PRAG1: variants seen among roughly 807,000 people sequenced by gnomAD.
PRAG1 encodes PEAK1 related, kinase-activating pseudokinase 1.
In PRAG1, 110 loss-of-function variants were observed where a neutral mutation model predicts 95.6. The ratio of observed to expected loss-of-function variants is 1.15; its 90% CI spans 0.99 to 1.35. The LOEUF is 1.35. Among genes scored for constraint, PRAG1 ranks in the 40% most tolerant of loss-of-function variants. PRAG1 has a pLI of 0.00. For missense variants in PRAG1, 2,554 were observed against 1,864.7 expected (o/e 1.37, Z -6.81); for synonymous variants, 1,052 against 819.4 (o/e 1.28, Z -4.85).
chr8:8,344,037 C>A (rs543328729), intron 3 of PRAG1, among the ~76,000 whole-genome samples: 5 of 151,988 alleles, frequency 3.3e-5, no homozygotes, highest in African/African-American at 1.2e-4. Context: ...ATGATATATT[C>A]CATATGTTTT....
chr8:8,352,179 AGCTACTTCCCCATTCTTCACGCTGGG>A (rs1799543301), intron 3 of PRAG1, among the ~76,000 whole-genome samples: 2 of 152,188 alleles, frequency 1.3e-5, no homozygotes, highest in African/African-American at 4.8e-5. Flanking sequence ...TCTTAGGATG[AGCTACTTCCCCATTCTTCACGCTGGG>A]GCAGCCTTTT....
At chr8:8,350,925 TG>T (rs1799499918) in intron 3 of PRAG1, among the ~76,000 whole-genome samples, 1 of 151,796 alleles carries the variant, frequency 6.6e-6, no homozygotes, top group Non-Finnish European at 1.5e-5. Context: ...GATGGATGGA[TG>T]GATGGATGGA....
In PRAG1 at chr8:8,327,716, A is replaced by C; in HGVS notation, c.3066T>G (p.Ala1022=). 1 of 1,610,310 alleles carries C rather than the reference A, an allele frequency of 6.2e-7. No homozygotes were observed. The highest frequency in any genetic ancestry group is 8.5e-7 in the Non-Finnish European group (1 of 1,177,408). The change falls in exon 5 of 6, where the codon GCT becomes GCG. Residue 1022 remains alanine, a synonymous_variant. Coordinates refer to ENST00000615670, the MANE Select transcript of PRAG1 (RefSeq NM_001080826.3). Reference sequence around the variant, plus strand: ...AGGAGGGAGTGGTACCTACTTTCACAGCATAGGTGCTGCCGGGGTCCTCAG... The same window carrying C: ...AGGAGGGAGTGGTACCTACTTTCACCGCATAGGTGCTGCCGGGGTCCTCAG... The part of the protein sequence containing the change: ...TCSEDPGSTY[A]VKICKAPEPK...
At chr8:8,343,752 C>T (rs186421576) in intron 3 of PRAG1, among the ~76,000 whole-genome samples, 81 of 152,252 alleles carry the variant, frequency 5.3e-4, no homozygotes, top group Admixed American at 2.3e-3. Flanking sequence ...TGGAAAGCCA[C>T]CATAGAAATT....
At chr8:8,348,256 C>T (rs898977862) in intron 3 of PRAG1, among the ~76,000 whole-genome samples, 10 of 152,190 alleles carry the variant, frequency 6.6e-5, no homozygotes, top group Admixed American at 4.6e-4. Context: ...TTGGTAAAAG[C>T]ACCCTGACTC....
Position 8,339,515 on chromosome 8 carries a change from G to A in PRAG1, c.2283C>T (p.Asp761=), listed in dbSNP as rs755337303. The change falls in exon 4 of 6, where the codon GAC becomes GAT. Residue 761 remains aspartate, a synonymous_variant. Transcript: ENST00000615670. ...VHVSFTTGST[D]SLASDSRTCS... ...AGGTCCTAGAGTCTGAGGCCAGGCTGTCCGTGGAGCCGGTGGTGAAGCTGA... is the reference window on the plus strand; with the variant it reads ...AGGTCCTAGAGTCTGAGGCCAGGCTATCCGTGGAGCCGGTGGTGAAGCTGA... The A allele has an allele frequency of 8.1e-6, 13 of 1,614,068 alleles. No individual in the cohort carries two copies. The highest frequency in any genetic ancestry group is 1.1e-5 in the Non-Finnish European group (13 of 1,180,054).
At chr8:8,339,759 A>T in intron 3 of PRAG1, 124 bp from the exon 4 acceptor site, 1 of 401,154 alleles carries the variant, frequency 2.5e-6, no homozygotes, top group Non-Finnish European at 3.7e-6. Context: ...TTATTAAAAG[A>T]AAAAAAAAAG....
At chr8:8,328,821 A>T (rs2976910) in intron 4 of PRAG1, among the ~76,000 whole-genome samples, 48,792 of 152,118 alleles carry the variant, frequency 0.32, 10,023 homozygotes, top group African/African-American at 0.59. Flanking sequence ...AAAAGAGCAA[A>T]CGGTGGCTAC....
At chr8:8,351,184 G>A (rs929475151) in intron 3 of PRAG1, among the ~76,000 whole-genome samples, 1 of 152,132 alleles carries the variant, frequency 6.6e-6, no homozygotes, top group Non-Finnish European at 1.5e-5. Flanking sequence ...TTAAAAACAT[G>A]GCAGAAGGCA....
At chr8:8,352,419 C>T (rs1174239242) in intron 3 of PRAG1, among the ~76,000 whole-genome samples, 1 of 152,212 alleles carries the variant, frequency 6.6e-6, no homozygotes, top group African/African-American at 2.4e-5. Context: ...CACAACTATG[C>T]AGGTTGGGGC....
rs367712636 is a variant in PRAG1 at position 8,376,555 on chromosome 8, C to T, written c.1854G>A (p.Ser618=). Reference sequence around the variant, plus strand: ...TGGGCCGCCTCTGTTCCGAGGCTGACGAGGCGGCAGGCTGGGGACACCTGG... The same window carrying T: ...TGGGCCGCCTCTGTTCCGAGGCTGATGAGGCGGCAGGCTGGGGACACCTGG... ...DPSRCPQPAA[S]SASEQRRPRF... The change falls in exon 3 of 6, where the codon TCG becomes TCA. Residue 618 remains serine (S), a synonymous_variant. Transcript: ENST00000615670. The T allele has an allele frequency of 1.1e-4, 170 of 1,608,686 alleles. No individual in the cohort carries two copies. The highest frequency in any genetic ancestry group is 1.0e-3 in the African/African-American group (77 of 74,932).
In PRAG1 at chr8:8,345,046, G is replaced by GGTGTGTGTGTGTGTGTGT. The variant is rs57329300; in HGVS notation, c.2163-5429_2163-5412dup. ...TGATTACAGGATAAATTATCCGCAGGGTGTGTGTGTGTGTGTGTGTGTGTG... is the reference window on the plus strand; with the variant it reads ...TGATTACAGGATAAATTATCCGCAGGGTGTGTGTGTGTGTGTGTGTGTGTGTGTGTGTGTGTGTGTGTG... On this transcript the variant is annotated intron_variant, in intron 3 of 5. Transcript: ENST00000615670. 1.8e-3 allele frequency among the ~76,000 whole-genome samples: 237 copies of GGTGTGTGTGTGTGTGTGT among 134,042 alleles called. 1 individual carries two copies. The highest frequency in any genetic ancestry group is 3.0e-3 in the South Asian group (12 of 3,962). The allele number at this position is 134,042 out of a possible 152,430, so 87.9% of individuals were successfully genotyped here.
chr8:8,356,578 G>A (rs1476911718), intron 3 of PRAG1, among the ~76,000 whole-genome samples: 2 of 151,968 alleles, frequency 1.3e-5, no homozygotes, highest in Admixed American at 6.6e-5. Flanking sequence ...GAACTCCTGG[G>A]TTCAATAAAT....
chr8:8,379,878 C>G (rs1800573513), intron 2 of PRAG1, among the ~76,000 whole-genome samples: 1 of 152,100 alleles, frequency 6.6e-6, no homozygotes, highest in Admixed American at 6.5e-5. Flanking sequence ...TGGTAAAATC[C>G]AAGCTTCAAA....
Position 8,328,467 on chromosome 8 carries a change from G to C in PRAG1, c.2321-6C>G, listed in dbSNP as rs1798719870. 6.2e-7 allele frequency: 1 copy of C among 1,613,082 alleles called. No individual in the cohort carries two copies. The highest frequency in any genetic ancestry group is 1.3e-5 in the African/African-American group (1 of 75,054). On this transcript the variant is annotated splice_polypyrimidine_tract_variant and splice_region_variant and intron_variant, in intron 4 of 5. Coordinates refer to ENST00000615670, the MANE Select transcript of PRAG1 (RefSeq NM_001080826.3). ...AGCCAGCTCAGACGAGGGACCTGAAGAGGAGAGACAGAAACCATAAGACCA... is the reference window on the plus strand; with the variant it reads ...AGCCAGCTCAGACGAGGGACCTGAACAGGAGAGACAGAAACCATAAGACCA...
intron 3 of PRAG1, among the ~76,000 whole-genome samples, chr8:8,365,003 T>C (rs913929871): frequency 4.6e-5 from 7 of 152,160 alleles, no homozygotes; most frequent in African/African-American, 1.7e-4. Flanking sequence ...ATAGAGAAGA[T>C]ATTTTGAAAG....
intron 3 of PRAG1, among the ~76,000 whole-genome samples, chr8:8,369,135 T>C (rs919155039): frequency 3.3e-5 from 5 of 151,730 alleles, no homozygotes; most frequent in African/African-American, 9.7e-5. Context: ...TCATGATGGG[T>C]CCCCAGTGAA....
At chr8:8,345,061 G>GTGTT (rs1563238249) in intron 3 of PRAG1, among the ~76,000 whole-genome samples, 3 of 149,158 alleles carry the variant, frequency 2.0e-5, no homozygotes, top group African/African-American at 7.4e-5. Context: ...GTGTGTGTGT[G>GTGTT]TGTGTGTGTG....
intron 3 of PRAG1, among the ~76,000 whole-genome samples, chr8:8,359,322 T>G (rs919986260): frequency 1.3e-5 from 2 of 152,344 alleles, no homozygotes; most frequent in South Asian, 4.1e-4. Context: ...GTTGTTTTTG[T>G]TAATCTTATT....
Sources: allele counts gnomAD v4.1 joint callset (sites outside exome capture counted in the v4.1 genomes callset), GRCh38; gene constraint gnomAD v4.1.1; transcripts MANE v1.5; gene names NCBI Gene and HGNC (gene_info 2026-07-23, HGNC 2026-07-21).